Variants in CRYGA observed in about 807,000 individuals in gnomAD.
CRYGA encodes gamma-crystallin A.
A neutral mutation model predicts 13.8 loss-of-function variants in CRYGA; 11 were observed. That is an observed-to-expected ratio of 0.80 (90% CI 0.50 to 1.32). The LOEUF (loss-of-function observed/expected upper bound fraction) is 1.32, where lower values mean the gene tolerates loss of function less well. CRYGA is among the 40% of genes most tolerant of loss of function. The pLI, the probability that CRYGA is intolerant of heterozygous loss-of-function variation, is 0.00. For synonymous variants in CRYGA, 97 were observed against 89.3 expected, an observed-to-expected ratio of 1.09 and a Z score of -0.48; for missense variants, 271 against 234.1, an observed-to-expected ratio of 1.16 and a Z score of -1.03.
In CRYGA at chr2:208,163,531, C is replaced by A. The variant is rs758405015; in HGVS notation, c.9+17G>T. On this transcript the variant is annotated intron_variant, in intron 1 of 2. Coordinates refer to ENST00000304502, the MANE Select transcript of CRYGA (RefSeq NM_014617.4). ...CAGACCCCCAATAGACATGGCACAG[C>A]ACCTCCACAGGCTCACCTTCCCCAT... 1.2e-6 allele frequency: 2 copies of A among 1,611,040 alleles called. No individual in the cohort carries two copies. Among genetic ancestry groups the A allele is most frequent in the Non-Finnish European group, 1.7e-6 (2 of 1,179,566 alleles).
chr2:208,161,192 G>A (rs1025933582), intron 2 of CRYGA, 116 bp from the exon 3 acceptor site: 1 of 1,074,002 alleles, frequency 9.3e-7, no homozygotes, highest in Non-Finnish European at 1.3e-6. Flanking sequence ...TTATTTTTGA[G>A]ATAAAGGTCT....
intron 2 of CRYGA, 50 bp downstream of exon 2, chr2:208,163,154 G>A (rs1695793715): frequency 6.6e-7 from 1 of 1,505,050 alleles, no homozygotes; most frequent in South Asian, 1.1e-5. Context: ...GGAATTGATG[G>A]CCATGGATCA....
rs1257791174 is a variant in CRYGA, at chr2:208,163,155, C to T, written c.252+49G>A. The T allele has an allele frequency of 2.6e-6, 4 of 1,515,428 alleles. No homozygotes were observed. In the African/African-American group the frequency reaches 4.1e-5, roughly 16 times the overall value. 93.9% of individuals were successfully genotyped at this position (1,515,428 alleles called of 1,614,324 possible). On this transcript the variant is annotated intron_variant, in intron 2 of 2. Coordinates refer to ENST00000304502, the MANE Select transcript of CRYGA (RefSeq NM_014617.4). ...GACTTTTATAAACAGGAATTGATGG[C>T]CATGGATCATTGATGCTTTCACATC...
chr2:208,160,990 T>C lies in CRYGA; in HGVS notation c.339A>G (p.Pro113=). The stretch of plus-strand genomic sequence containing the variant: ...AGATCTCAGGGAGACGGAACAGTTC[T>C]GGAACACAGGCGCAGTCATCAGTGA... ...SELTDDCACV[P]ELFRLPEIYS... The change falls in exon 3 of 3, where the codon CCA becomes CCG. Residue 113 remains proline, a synonymous_variant. Transcript: ENST00000304502. The C allele has an allele frequency of 6.2e-7, 1 of 1,614,022 alleles. No homozygotes were observed. Among genetic ancestry groups the C allele is most frequent in the Non-Finnish European group, 8.5e-7 (1 of 1,179,930 alleles).
chr2:208,161,031 C>T lies in CRYGA; in HGVS notation c.298G>A (p.Gly100Ser). ...LRLYERDDYR[G>S]LMSELTDDCA... is the part of the protein sequence containing the mutation. ...TCATCAGTGAGCTCAGACATAAGGC[C>T]TCGGTAGTCATCTCTCTCGTACAGC... The change falls in exon 3 of 3, where the codon GGC becomes AGC. Residue 100 changes from glycine to serine, a missense_variant. Gly to Ser is a moderately conservative substitution (Grantham distance 56). Coordinates refer to ENST00000304502, the MANE Select transcript of CRYGA (RefSeq NM_014617.4). 1 of 1,614,112 alleles carries T rather than the reference C, an allele frequency of 6.2e-7. No individual in the cohort carries two copies. The highest frequency in any genetic ancestry group is 8.5e-7 in the Non-Finnish European group (1 of 1,180,006).
At chr2:208,162,898 TTTC>T (rs1017699083) in intron 2 of CRYGA, among the ~76,000 whole-genome samples, 1 of 88,498 alleles carries the variant, frequency 1.1e-5, no homozygotes, top group African/African-American at 3.2e-5. Context: ...TTTTTCTTTC[TTTC>T]TTTTTTTTTT....
At chr2:208,162,099 G>A (rs1695770687) in intron 2 of CRYGA, among the ~76,000 whole-genome samples, 1 of 151,982 alleles carries the variant, frequency 6.6e-6, no homozygotes, top group Non-Finnish European at 1.5e-5. Flanking sequence ...ACCATGCCTG[G>A]CTAATGTTTT....
intron 2 of CRYGA, 87 bp from the exon 3 acceptor site, chr2:208,161,163 A>G (rs1559332618): frequency 2.3e-6 from 3 of 1,280,666 alleles, no homozygotes; most frequent in South Asian, 2.7e-5. Context: ...CTGCATCTTC[A>G]TGAAGCATGG....
intron 1 of CRYGA, 45 bp downstream of exon 1, chr2:208,163,502 AC>A (rs765347325): frequency 2.5e-6 from 4 of 1,611,670 alleles, no homozygotes; most frequent in Admixed American, 3.4e-5. Flanking sequence ...ATCCCCACAC[AC>A]CACAGACCCC....
rs766873432 is a variant in CRYGA at position 208,163,347 on chromosome 2, G to T, written c.109C>A (p.Arg37=). The part of the protein sequence containing the change: ...RVYFSRCNSI[R]VDSGCWMLYE... ...AGCATCCAGCAGCCGCTGTCTACTC[G>T]GATGGAGTTGCAGCGGCTGAAGTAG... Residue 37 remains arginine (R), a synonymous_variant, in exon 2 of 3, where the codon CGA becomes AGA. Coordinates refer to ENST00000304502, the MANE Select transcript of CRYGA (RefSeq NM_014617.4). 3.7e-6 allele frequency: 6 copies of T among 1,614,014 alleles called. No homozygotes were observed. The highest frequency in any genetic ancestry group is 5.1e-6 in the Non-Finnish European group (6 of 1,179,998).
Position 208,160,941 on chromosome 2 carries a change from A to C in CRYGA, c.388T>G (p.Cys130Gly), listed in dbSNP as rs1271963778. 1 of 1,613,686 alleles carries C rather than the reference A, an allele frequency of 6.2e-7. No individual in the cohort carries two copies. Among genetic ancestry groups the C allele is most frequent in the Middle Eastern group, 1.7e-4 (1 of 6,060 alleles). The change falls in exon 3 of 3, where the codon TGC becomes GGC. Residue 130 changes from cysteine to glycine, a missense_variant. Cys to Gly is a radical substitution (Grantham distance 159). Coordinates refer to ENST00000304502, the MANE Select transcript of CRYGA (RefSeq NM_014617.4). The part of the protein sequence containing the change: ...EIYSLHVLEG[C>G]WVLYEMPNYR... ...TTGGGCATTTCATAGAGGACCCAGC[A>C]GCCCTCCAGTACGTGGAGGGAATAG... is the stretch of plus-strand genomic sequence containing the variant.
At position 208,163,564 on chromosome 2, in the gene CRYGA, G is replaced by A. The variant is rs377147315; in HGVS notation, c.-8C>T. On this transcript the variant is annotated 5_prime_UTR_variant, in exon 1 of 3. An upstream open reading frame in the 5' UTR gains an earlier in-frame stop. Coordinates refer to ENST00000304502, the MANE Select transcript of CRYGA (RefSeq NM_014617.4). ...CAGGCTCACCTTCCCCATGGTTGTT[G>A]ACAGAGGGTGATTAGCATCTAGTAT... 29 of 1,609,636 alleles carry A rather than the reference G, an allele frequency of 1.8e-5. No individual in the cohort carries two copies. Among genetic ancestry groups the A allele is most frequent in the Non-Finnish European group, 2.5e-5 (29 of 1,179,106 alleles).
At chr2:208,163,054 T>A in intron 2 of CRYGA, 150 bp downstream of exon 2, 2 of 612,468 alleles carry the variant, frequency 3.3e-6, no homozygotes, top group Non-Finnish European at 5.6e-6. Flanking sequence ...TATTGTTACT[T>A]TTTTTTTTTA....
intron 2 of CRYGA, among the ~76,000 whole-genome samples, chr2:208,162,311 C>T (rs936579293): frequency 3.3e-5 from 5 of 152,156 alleles, no homozygotes; most frequent in East Asian, 1.9e-4. Context: ...ACATGCTGCA[C>T]GTGATTAAAA....
Position 208,161,002 on chromosome 2 carries a change from G to T in CRYGA, c.327C>A (p.Cys109Ter). 6.2e-7 allele frequency: 1 copy of T among 1,613,606 alleles called. No individual in the cohort carries two copies. Among genetic ancestry groups the T allele is most frequent in the Non-Finnish European group, 8.5e-7 (1 of 1,179,570 alleles). ...GACGGAACAGTTCTGGAACACAGGCGCAGTCATCAGTGAGCTCAGACATAA... is the reference window on the plus strand; with the variant it reads ...GACGGAACAGTTCTGGAACACAGGCTCAGTCATCAGTGAGCTCAGACATAA... ...RGLMSELTDD[C>*]ACVPELFRLP... The change falls in exon 3 of 3, where the codon TGC (cysteine) becomes TGA (stop). Residue 109 changes from cysteine to a stop codon, truncating the protein, a stop_gained. Coordinates refer to ENST00000304502, the MANE Select transcript of CRYGA (RefSeq NM_014617.4). LOFTEE classifies it high-confidence loss of function.
At chr2:208,162,075 T>C (rs1695770365) in intron 2 of CRYGA, among the ~76,000 whole-genome samples, 1 of 152,168 alleles carries the variant, frequency 6.6e-6, no homozygotes, top group South Asian at 2.1e-4. Flanking sequence ...TAGCTAGGAC[T>C]ACAGGCATGC....
chr2:208,162,901 C>CT (rs36112033), intron 2 of CRYGA, among the ~76,000 whole-genome samples: 4,157 of 138,714 alleles, frequency 0.03, 130 homozygotes, highest in African/African-American at 0.086. Flanking sequence ...TTCTTTCTTT[C>CT]TTTTTTTTTT....
At chr2:208,162,579 C>T (rs974737843) in intron 2 of CRYGA, among the ~76,000 whole-genome samples, 13 of 152,190 alleles carry the variant, frequency 8.5e-5, no homozygotes, top group East Asian at 1.9e-4. Flanking sequence ...TTATCATGGC[C>T]GGGCGCAGTG....
rs73986526 is a variant in CRYGA at position 208,163,084 on chromosome 2, C to A, written c.252+120G>T. 5,785 of 799,500 alleles carry A rather than the reference C, an allele frequency of 7.2e-3. 232 individuals carry two copies. The African/African-American group carries it at 0.084, about 12-fold the overall frequency. 49.5% of individuals were successfully genotyped at this position (799,500 alleles called of 1,614,324 possible). A position where few individuals can be genotyped will look rare whatever the true frequency, so the allele number is the denominator to read the frequency against. ...TTTTTATATATGTTTGAGGGTCAGG[C>A]CTTGCTATTCTTACTGTGAACACTC... On this transcript the variant is annotated intron_variant, in intron 2 of 2. Transcript: ENST00000304502.
Sources: gnomAD v4.1 joint callset for allele counts (sites outside exome capture counted in the v4.1 genomes callset) on GRCh38, gnomAD v4.1.1 for gene constraint, MANE v1.5 for transcripts, NCBI Gene and HGNC (gene_info 2026-07-23, HGNC 2026-07-21) for gene names.